Variants in RBFOX1 observed in about 807,000 individuals in gnomAD.
The protein encoded by RBFOX1 is RNA binding protein fox-1 homolog 1.
A neutral mutation model predicts 57.7 loss-of-function variants in RBFOX1; 8 were observed. The observed-to-expected ratio is 0.14, with a 90% CI of 0.08 to 0.25. The LOEUF (loss-of-function observed/expected upper bound fraction) is 0.25. Among genes scored for constraint, RBFOX1 ranks in the 10% least tolerant of loss-of-function variants. RBFOX1 has a pLI of 1.00. For missense variants in RBFOX1, 611 were observed against 548.5 expected, an observed-to-expected ratio of 1.11 and a Z score of -1.14; for synonymous variants, 326 against 222.4, an observed-to-expected ratio of 1.47 and a Z score of -4.15.
rs1428574647 is a variant in RBFOX1, at chr16:6,955,316, TTC to T, written c.-15-96737_-15-96736del. 2.0e-5 allele frequency among the ~76,000 whole-genome samples: 3 copies of T among 151,204 alleles called. No homozygotes were observed. In the East Asian group the frequency reaches 5.8e-4, roughly 29 times the overall value. ...ATTAAGTAAGTTATCAATAATTTTTTTCTCTTTCACCTTTAAGCCTTCCCCAC... is the reference window on the plus strand; with the variant it reads ...ATTAAGTAAGTTATCAATAATTTTTTTCTTTCACCTTTAAGCCTTCCCCAC... On this transcript the variant is annotated intron_variant, in intron 3 of 15. Transcript: ENST00000550418.
intron 3 of RBFOX1, among the ~76,000 whole-genome samples, chr16:7,028,261 C>A (rs1312458604): frequency 1.3e-5 from 2 of 152,066 alleles, no homozygotes; most frequent in Non-Finnish European, 2.9e-5. Flanking sequence ...TACGTGTAAG[C>A]CATTTTCTAA....
intron 4 of RBFOX1, among the ~76,000 whole-genome samples, chr16:7,233,074 C>T (rs570352538): frequency 4.6e-5 from 7 of 152,202 alleles, no homozygotes; most frequent in Admixed American, 6.5e-5. Context: ...TTCCCAACAG[C>T]GGCCAAAGAA....
chr16:6,711,820 C>T (rs987420313), intron 3 of RBFOX1, among the ~76,000 whole-genome samples: 4 of 152,130 alleles, frequency 2.6e-5, no homozygotes, highest in African/African-American at 4.8e-5. Context: ...TTTCCTCTAC[C>T]TGGAGAAACC....
intron 4 of RBFOX1, among the ~76,000 whole-genome samples, chr16:7,182,414 T>C (rs1047213692): frequency 1.3e-5 from 2 of 152,216 alleles, no homozygotes; most frequent in African/African-American, 4.8e-5. Flanking sequence ...ATGAATTCGT[T>C]CATGTTCTTG....
intron 3 of RBFOX1, among the ~76,000 whole-genome samples, chr16:5,858,087 T>C (rs1354192634): frequency 1.3e-5 from 2 of 152,192 alleles, no homozygotes; most frequent in African/African-American, 4.8e-5. Flanking sequence ...TTTGTCTGTA[T>C]TTCCACATTG....
chr16:6,468,393 C>A (rs540691131), intron 2 of RBFOX1, among the ~76,000 whole-genome samples: 6 of 152,292 alleles, frequency 3.9e-5, no homozygotes, highest in African/African-American at 9.6e-5. Context: ...AAATTAATAT[C>A]TTTTATAAGC....
chr16:5,985,468 T>G (rs539249827), intron 4 of RBFOX1, among the ~76,000 whole-genome samples: 1 of 151,576 alleles, frequency 6.6e-6, no homozygotes, highest in South Asian at 2.1e-4. Flanking sequence ...CACAGAGGAG[T>G]TAAGTGATGG....
chr16:5,692,824 G>C (rs139523760), intron 3 of RBFOX1, among the ~76,000 whole-genome samples: 14 of 152,126 alleles, frequency 9.2e-5, no homozygotes, highest in African/African-American at 3.4e-4. Flanking sequence ...TCATCTGCAA[G>C]CCGAGTAAGA....
At chr16:6,537,444 C>A (rs79619801) in intron 2 of RBFOX1, among the ~76,000 whole-genome samples, 2 of 152,104 alleles carry the variant, frequency 1.3e-5, no homozygotes, top group Admixed American at 6.5e-5. Context: ...TTAACACTCA[C>A]AACAGTATAG....
At chr16:6,801,217 A>AAAAAAG (rs1555483273) in intron 3 of RBFOX1, among the ~76,000 whole-genome samples, 2 of 145,294 alleles carry the variant, frequency 1.4e-5, no homozygotes, top group Non-Finnish European at 1.5e-5. Context: ...AAAAAAAAAA[A>AAAAAAG]GTAACGTTAC....
At chr16:6,695,065 T>C (rs970002173) in intron 3 of RBFOX1, among the ~76,000 whole-genome samples, 4 of 151,876 alleles carry the variant, frequency 2.6e-5, no homozygotes, top group Non-Finnish European at 5.9e-5. Context: ...GAGAAGAACT[T>C]TTAGATGAAT....
At chr16:7,000,308 CATG>C (rs1377024166) in intron 3 of RBFOX1, among the ~76,000 whole-genome samples, 9 of 152,020 alleles carry the variant, frequency 5.9e-5, no homozygotes, top group African/African-American at 2.2e-4. Context: ...GAAATTTAAA[CATG>C]ATCGATATGT....
intron 1 of RBFOX1, among the ~76,000 whole-genome samples, chr16:6,110,121 A>G (rs561693146): frequency 2.6e-5 from 4 of 152,046 alleles, no homozygotes; most frequent in African/African-American, 9.6e-5. Context: ...CTGTCTATGG[A>G]TAAGTACATC....
intron 14 of RBFOX1, among the ~76,000 whole-genome samples, chr16:7,683,921 A>G (rs1020397366): frequency 3.1e-4 from 47 of 152,042 alleles, no homozygotes; most frequent in Non-Finnish European, 5.6e-4. Flanking sequence ...GCATTTGTGG[A>G]TGTGGCAATA....
intron 3 of RBFOX1, among the ~76,000 whole-genome samples, chr16:5,605,212 T>G (rs999905964): frequency 1.3e-5 from 2 of 152,216 alleles, no homozygotes; most frequent in African/African-American, 4.8e-5. Flanking sequence ...CAGATTGGAC[T>G]GGATTTCATC....
chr16:7,415,741 T>C (rs1467830975), intron 4 of RBFOX1, among the ~76,000 whole-genome samples: 1 of 152,022 alleles, frequency 6.6e-6, no homozygotes. Context: ...TACCCAGCAA[T>C]GGTTACGTTA....
rs139664538 is a variant in RBFOX1 at position 5,660,211 on chromosome 16, T to C, written c.318+61250T>C. Among the ~76,000 whole-genome samples the C allele has an allele frequency of 3.9e-4, 60 of 152,200 alleles. 1 individual carries two copies. The East Asian group carries it at 9.3e-3, about 24-fold the overall frequency. On this transcript the variant is annotated intron_variant, in intron 3 of 19. Transcript: ENST00000641259. Reference sequence around the variant, plus strand: ...AAATGATGTTTAGAGTCAAGGTTGTTTCGTTGAGTGTCTGGTATTAAATGG... The same window carrying C: ...AAATGATGTTTAGAGTCAAGGTTGTCTCGTTGAGTGTCTGGTATTAAATGG...
intron 4 of RBFOX1, among the ~76,000 whole-genome samples, chr16:7,448,425 A>G (rs544847759): frequency 2.3e-4 from 35 of 152,286 alleles, no homozygotes; most frequent in African/African-American, 8.2e-4. Flanking sequence ...AGGAGGTGCA[A>G]AGACACGTTT....
chr16:6,365,400 A>G (rs2089414117), intron 2 of RBFOX1, among the ~76,000 whole-genome samples: 1 of 151,294 alleles, frequency 6.6e-6, no homozygotes, highest in African/African-American at 2.4e-5. Flanking sequence ...GGATGAGTAG[A>G]TGGATGGATG....
Sources: allele counts gnomAD v4.1 joint callset (sites outside exome capture counted in the v4.1 genomes callset), GRCh38; gene constraint gnomAD v4.1.1; transcripts MANE v1.5; gene names NCBI Gene and HGNC (gene_info 2026-07-23, HGNC 2026-07-21).